Variants in PRKN observed in about 807,000 individuals in gnomAD.
PRKN encodes E3 ubiquitin-protein ligase parkin.
Under a neutral mutation model 59.5 loss-of-function variants are expected in PRKN, and 56 were observed. The ratio of observed to expected loss-of-function variants is 0.94; its 90% CI spans 0.76 to 1.18. The LOEUF (loss-of-function observed/expected upper bound fraction) is 1.18. PRKN is among the 50% of genes most tolerant of loss of function. PRKN has a pLI of 0.00. For missense variants in PRKN, 657 were observed against 596.4 expected, an observed-to-expected ratio of 1.10 and a Z score of -1.06; for synonymous variants, 250 against 222.1, an observed-to-expected ratio of 1.13 and a Z score of -1.12.
chr6:161,848,911 C>A (rs1793308975), intron 6 of PRKN, among the ~76,000 whole-genome samples: 1 of 152,142 alleles, frequency 6.6e-6, no homozygotes, highest in Non-Finnish European at 1.5e-5. Context: ...ATGGACAAGA[C>A]CCAGGAGCCT....
intron 1 of PRKN, chr6:162,569,540 G>T: frequency 1.4e-6 from 1 of 715,460 alleles, no homozygotes. Context: ...CTATGCAGAT[G>T]GTCTGAGCTT....
intron 4 of PRKN, among the ~76,000 whole-genome samples, chr6:162,107,406 A>T (rs1780234332): frequency 1.3e-5 from 2 of 152,314 alleles, no homozygotes; most frequent in South Asian, 4.1e-4. Flanking sequence ...TGGAGGTTGC[A>T]GTGAGCCGAG....
At chr6:162,559,329 T>C (rs1009150743) in intron 1 of PRKN, among the ~76,000 whole-genome samples, 1 of 152,024 alleles carries the variant, frequency 6.6e-6, no homozygotes, top group Non-Finnish European at 1.5e-5. Flanking sequence ...TTTTGTTCTA[T>C]CAAAACCTTA....
At chr6:162,138,976 T>G (rs115112474) in intron 4 of PRKN, among the ~76,000 whole-genome samples, 233 of 152,248 alleles carry the variant, frequency 1.5e-3, no homozygotes, top group African/African-American at 5.1e-3. Flanking sequence ...AGCTTGAGAA[T>G]TTTTAGAAGT....
chr6:161,952,911 G>T (rs1780040972), intron 6 of PRKN, among the ~76,000 whole-genome samples: 1 of 152,268 alleles, frequency 6.6e-6, no homozygotes, highest in African/African-American at 2.4e-5. Context: ...AACAATGAAA[G>T]GGTAAAAGTA....
intron 5 of PRKN, among the ~76,000 whole-genome samples, chr6:161,991,364 C>T (rs1441077874): frequency 6.6e-6 from 1 of 152,060 alleles, no homozygotes; most frequent in South Asian, 2.1e-4. Flanking sequence ...GCTACTATTA[C>T]AGAAAACCAC....
At chr6:162,209,079 A>G (rs1272043330) in intron 3 of PRKN, among the ~76,000 whole-genome samples, 4 of 152,196 alleles carry the variant, frequency 2.6e-5, no homozygotes, top group Admixed American at 6.5e-5. Context: ...AATGGCAACA[A>G]AAGCCAAAAT....
At position 162,696,797 on chromosome 6, in the gene PRKN, C is replaced by T. The variant is rs116427197; in HGVS notation, c.7+30865G>A. On this transcript the variant is annotated intron_variant, in intron 1 of 11. Coordinates refer to ENST00000366898, the MANE Select transcript of PRKN (RefSeq NM_004562.3). ...TTGGGCTCGAGGGATCCATCTACCT[C>T]GGCCTCCCAAGGTGTTGGGACTAGA... 8.5e-3 allele frequency among the ~76,000 whole-genome samples: 1,286 copies of T among 151,946 alleles called. 19 individuals carry two copies. Among genetic ancestry groups the T allele is most frequent in the African/African-American group, 0.029 (1,219 of 41,434 alleles).
At chr6:162,040,670 C>T (rs531009199) in intron 5 of PRKN, among the ~76,000 whole-genome samples, 29 of 149,424 alleles carry the variant, frequency 1.9e-4, no homozygotes, top group Non-Finnish European at 2.2e-4. Context: ...CCACCCACCT[C>T]GGCCTCTCAA....
intron 2 of PRKN, among the ~76,000 whole-genome samples, chr6:162,341,415 C>A (rs529373045): frequency 5.7e-4 from 86 of 152,192 alleles, no homozygotes; most frequent in Non-Finnish European, 1.0e-3. Context: ...GGGTATATAC[C>A]CAAAGGATTA....
At position 161,413,520 on chromosome 6, in the gene PRKN, G is replaced by A. The variant is rs1425056948; in HGVS notation, c.1084-26643C>T. Among the ~76,000 whole-genome samples, 4 of 152,180 alleles carry A rather than the reference G, an allele frequency of 2.6e-5. No individual in the cohort carries two copies. Among genetic ancestry groups the A allele is most frequent in the African/African-American group, 9.7e-5 (4 of 41,428 alleles). ...GCTGCAGTGAGAACTGGGGGAGAAG[G>A]CCGGAACCTGGCGGGCTCATGTGGG... On this transcript the variant is annotated intron_variant, in intron 9 of 11. Transcript: ENST00000366898. This position sits in a 1 kb window ranked among gnomAD's most constrained non-coding sequence, Gnocchi z 4.4.
chr6:162,286,966 G>C (rs879919864), intron 2 of PRKN, among the ~76,000 whole-genome samples: 10 of 152,180 alleles, frequency 6.6e-5, no homozygotes, highest in Admixed American at 1.3e-4. Flanking sequence ...AATGAGTACA[G>C]ATATCTACTT....
At chr6:162,284,603 T>G (rs562173582) in intron 2 of PRKN, among the ~76,000 whole-genome samples, 11 of 152,330 alleles carry the variant, frequency 7.2e-5, no homozygotes, top group Admixed American at 7.2e-4. Context: ...TGTAGTGACT[T>G]ACATTTGAAG....
intron 6 of PRKN, among the ~76,000 whole-genome samples, chr6:161,786,109 G>A (rs375214905): frequency 4.1e-4 from 63 of 152,252 alleles, no homozygotes; most frequent in African/African-American, 1.4e-3. Flanking sequence ...ATAGAAAACT[G>A]ATTCTCCTAA....
intron 5 of PRKN, among the ~76,000 whole-genome samples, chr6:161,975,578 T>C (rs1562431916): frequency 6.6e-6 from 1 of 152,164 alleles, no homozygotes; most frequent in Non-Finnish European, 1.5e-5. Flanking sequence ...CAACAGCCCT[T>C]GGTCTGAAGC....
chr6:161,918,266 G>T (rs899834155), intron 6 of PRKN, among the ~76,000 whole-genome samples: 3 of 152,170 alleles, frequency 2.0e-5, no homozygotes, highest in African/African-American at 7.2e-5. Flanking sequence ...GCTTCAATTT[G>T]CTGACGAAAG....
At chr6:161,515,646 G>A (rs561111190) in intron 9 of PRKN, among the ~76,000 whole-genome samples, 4 of 152,264 alleles carry the variant, frequency 2.6e-5, no homozygotes, top group South Asian at 4.2e-4. Flanking sequence ...TTTAAGCATT[G>A]AATAAATAAA....
intron 1 of PRKN, among the ~76,000 whole-genome samples, chr6:162,649,102 T>C (rs1778313802): frequency 6.6e-6 from 1 of 152,156 alleles, no homozygotes; most frequent in South Asian, 2.1e-4. Context: ...CCTTAACATA[T>C]ATGTATATAA....
intron 7 of PRKN, among the ~76,000 whole-genome samples, chr6:161,586,210 A>AT (rs1358419514): frequency 6.6e-6 from 1 of 152,080 alleles, no homozygotes; most frequent in Non-Finnish European, 1.5e-5. Flanking sequence ...TAGAGACAGG[A>AT]TTTTGCTACG....
Sources: gnomAD v4.1 joint callset for allele counts (sites outside exome capture counted in the v4.1 genomes callset) on GRCh38, gnomAD v4.1.1 for gene constraint, Gnocchi (gnomAD v3.1) non-coding constraint, MANE v1.5 for transcripts, NCBI Gene and HGNC (gene_info 2026-07-23, HGNC 2026-07-21) for gene names.